The following CAST variants were observed in gnomAD, a reference collection of about 807,000 sequenced individuals.
CAST encodes the protein calpastatin, also known as MIR583 host.
CAST carries 76 observed loss-of-function variants against 119.6 expected under a neutral mutation model. The ratio of observed to expected loss-of-function variants is 0.64; its 90% CI spans 0.53 to 0.77. The LOEUF is 0.77. CAST is among the 30% of genes least tolerant of loss of function. The probability of loss-of-function intolerance (pLI) is 0.00; values close to 1 mark genes in which losing one functional copy is unlikely to be tolerated. For synonymous variants in CAST, 319 were observed against 331.6 expected (o/e 0.96, Z 0.41); for missense variants, 953 against 946.5 (o/e 1.01, Z -0.09).
At chr5:96,195,696 G>T in the CAST span, among the ~76,000 whole-genome samples, 1 of 152,078 alleles carries the variant, frequency 6.6e-6, no homozygotes, top group Non-Finnish European at 1.5e-5. Context: ...CTTGATAGAG[G>T]AATTAGACCC....
chr5:96,508,415 T>G, the CAST span, among the ~76,000 whole-genome samples: 25 of 152,154 alleles, frequency 1.6e-4, no homozygotes, highest in Non-Finnish European at 2.9e-4. Flanking sequence ...TTTAATAAAT[T>G]GTAGCTACGA....
At chr5:96,412,750 A>ATTTTTTTTTTTTTTTTTTT in the CAST span, among the ~76,000 whole-genome samples, 1 of 63,386 alleles carries the variant, frequency 1.6e-5, no homozygotes, top group African/African-American at 7.9e-5. Context: ...GGCAGCTGTG[A>ATTTTTTTTTTTTTTTTTTT]TGTTTTTTTT....
At chr5:95,978,920 C>T in the CAST span, among the ~76,000 whole-genome samples, 5,659 of 152,088 alleles carry the variant, frequency 0.037, 358 homozygotes, top group African/African-American at 0.13. Flanking sequence ...TATCAGGTGG[C>T]GACTTAATTA....
chr5:96,012,445 A>G, the CAST span, among the ~76,000 whole-genome samples: 1 of 151,864 alleles, frequency 6.6e-6, no homozygotes, highest in Non-Finnish European at 1.5e-5. Context: ...ACTTTACTTA[A>G]TTTATCTGAG....
chr5:96,606,146 A>G (rs1747248826), intron 1 of CAST, among the ~76,000 whole-genome samples: 1 of 152,082 alleles, frequency 6.6e-6, no homozygotes, highest in Admixed American at 6.5e-5. Flanking sequence ...AAGCACATTT[A>G]AATCACCTGA....
At chr5:95,963,235 G>A in the CAST span, among the ~76,000 whole-genome samples, 1 of 152,210 alleles carries the variant, frequency 6.6e-6, no homozygotes, top group Non-Finnish European at 1.5e-5. Context: ...TATTTAATCA[G>A]TATTTTTCAT....
chr5:96,763,107 G>C, intron 25 of CAST: 1 of 777,832 alleles, frequency 1.3e-6, no homozygotes, highest in Non-Finnish European at 2.4e-6. Flanking sequence ...AGATGGAGAT[G>C]AAGTAACTTT....
the CAST span, among the ~76,000 whole-genome samples, chr5:95,991,765 C>G: frequency 6.6e-6 from 1 of 151,984 alleles, no homozygotes; most frequent in South Asian, 2.1e-4. Flanking sequence ...CTCAGCCTCC[C>G]AAAGTGCTGG....
the CAST span, chr5:95,986,216 A>G: frequency 1.3e-5 from 2 of 152,200 alleles, no homozygotes; most frequent in African/African-American, 4.8e-5. Flanking sequence ...TGTTACTTCT[A>G]AAGGCAGATT....
the CAST span, among the ~76,000 whole-genome samples, chr5:96,331,288 C>T: frequency 2.6e-5 from 4 of 152,148 alleles, no homozygotes; most frequent in Admixed American, 6.5e-5. Flanking sequence ...AGATTACCTC[C>T]GTTACTCTTG....
chr5:96,027,828 G>A, the CAST span, among the ~76,000 whole-genome samples: 1 of 152,058 alleles, frequency 6.6e-6, no homozygotes. Flanking sequence ...ATAAAAAAGA[G>A]ACTCAAATTT....
chr5:96,516,718 G>A, the CAST span, among the ~76,000 whole-genome samples: 2 of 152,228 alleles, frequency 1.3e-5, no homozygotes, highest in Non-Finnish European at 2.9e-5. Flanking sequence ...CAGTTGGCTA[G>A]AGTTCACGAC....
chr5:95,966,609 C>T, the CAST span, among the ~76,000 whole-genome samples: 1 of 152,128 alleles, frequency 6.6e-6, no homozygotes, highest in African/African-American at 2.4e-5. Context: ...TAAGGAAAGT[C>T]CCTCCTCCCT....
intron 2 of CAST, among the ~76,000 whole-genome samples, chr5:96,689,044 G>A (rs1350371449): frequency 6.6e-6 from 1 of 152,070 alleles, no homozygotes; most frequent in Non-Finnish European, 1.5e-5. Context: ...GAGTAGAAAA[G>A]CACCTCTTAA....
the CAST span, among the ~76,000 whole-genome samples, chr5:96,069,868 C>T: frequency 6.6e-6 from 1 of 151,076 alleles, no homozygotes; most frequent in South Asian, 2.1e-4. Context: ...CCAAATTATG[C>T]AAGCCAGGCA....
the CAST span, among the ~76,000 whole-genome samples, chr5:96,160,639 C>A: frequency 6.6e-6 from 1 of 152,124 alleles, no homozygotes; most frequent in East Asian, 1.9e-4. Context: ...AGTGGAATTG[C>A]TGTACCATAT....
intron 20 of CAST, 50 bp downstream of exon 20, chr5:96,750,732 C>T (rs1294791307): frequency 1.0e-6 from 1 of 999,092 alleles, no homozygotes; most frequent in African/African-American, 1.6e-5. Flanking sequence ...AGTTTTCTGC[C>T]TCCTCCTGTC....
At chr5:96,055,883 T>A in the CAST span, among the ~76,000 whole-genome samples, 1 of 152,130 alleles carries the variant, frequency 6.6e-6, no homozygotes, top group Non-Finnish European at 1.5e-5. Context: ...TTGTTGATGA[T>A]AAACTTTTAA....
chr5:96,252,631 G>A, the CAST span, among the ~76,000 whole-genome samples: 1 of 152,148 alleles, frequency 6.6e-6, no homozygotes, highest in Non-Finnish European at 1.5e-5. Flanking sequence ...TTAGCAAAAA[G>A]AGTTCAATGT....
Sources: allele counts gnomAD v4.1 joint callset (sites outside exome capture counted in the v4.1 genomes callset), GRCh38; gene constraint gnomAD v4.1.1; transcripts MANE v1.5; gene names NCBI Gene and HGNC (gene_info 2026-07-23, HGNC 2026-07-21).